MAP3K20: variants seen among roughly 807,000 people sequenced by gnomAD.
MAP3K20 encodes mitogen-activated protein kinase kinase kinase 20, also known as HCCS-4.
MAP3K20 carries 40 observed loss-of-function variants against 85.7 expected under a neutral mutation model. That is an observed-to-expected ratio of 0.47 (90% confidence interval 0.36 to 0.61). MAP3K20 has a LOEUF of 0.61. Among genes scored for constraint, MAP3K20 ranks in the 20% least tolerant of loss-of-function variants. The pLI is 0.00. For synonymous variants in MAP3K20, 325 were observed against 327.7 expected, an observed-to-expected ratio of 0.99 and a Z score of 0.09; for missense variants, 817 against 961.7, an observed-to-expected ratio of 0.85 and a Z score of 1.99.
At chr2:173,167,155 T>A (rs1212206731) in intron 2 of MAP3K20, among the ~76,000 whole-genome samples, 1 of 151,970 alleles carries the variant, frequency 6.6e-6, no homozygotes, top group African/African-American at 2.4e-5. Flanking sequence ...GACCTCGTGA[T>A]CCACCCGCCT....
chr2:173,250,887 CA>C (rs1201309883), intron 16 of MAP3K20, among the ~76,000 whole-genome samples: 3 of 151,926 alleles, frequency 2.0e-5, no homozygotes, highest in African/African-American at 7.3e-5. Flanking sequence ...AGAAGAGAAG[CA>C]AATTAACCAT....
chr2:173,248,981 A>G (rs1322976058), intron 16 of MAP3K20, among the ~76,000 whole-genome samples: 1 of 152,204 alleles, frequency 6.6e-6, no homozygotes, highest in East Asian at 1.9e-4. Context: ...CTCCTAATGA[A>G]TCCATTGTCA....
At position 173,219,186 on chromosome 2, in the gene MAP3K20, T is replaced by TAAAC. The variant is rs1167663005; in HGVS notation, c.987+1938_987+1941dup. On this transcript the variant is annotated intron_variant, in intron 11 of 19. Transcript: ENST00000375213. The stretch of plus-strand genomic sequence containing the variant: ...TGAGATTTCTTAGAGAAAGATGAAA[T>TAAAC]AAACATTTTAAAAAGGAAGTGGCTG... Among the ~76,000 whole-genome samples the TAAAC allele has an allele frequency of 1.6e-4, 24 of 152,182 alleles. 1 individual carries two copies. Among genetic ancestry groups the TAAAC allele is most frequent in the Non-Finnish European group, 2.9e-5 (2 of 68,014 alleles).
At chr2:173,243,667 G>T (rs1480468409) in intron 16 of MAP3K20, among the ~76,000 whole-genome samples, 1 of 152,210 alleles carries the variant, frequency 6.6e-6, no homozygotes, top group African/African-American at 2.4e-5. Flanking sequence ...GCCCAGGCCA[G>T]AGTGCAGTGG....
intron 2 of MAP3K20, among the ~76,000 whole-genome samples, chr2:173,156,704 G>GCTGCTCACCTC (rs1689483693): frequency 6.6e-6 from 1 of 152,222 alleles, no homozygotes; most frequent in African/African-American, 2.4e-5. Flanking sequence ...TCGCTCGCCA[G>GCTGCTCACCTC]CTGCTCACCT....
At chr2:173,100,910 C>T (rs1221436617) in intron 2 of MAP3K20, among the ~76,000 whole-genome samples, 1 of 152,172 alleles carries the variant, frequency 6.6e-6, no homozygotes, top group Admixed American at 6.5e-5. Context: ...CCATCCATCA[C>T]TCTGCTCTTT....
intron 11 of MAP3K20, chr2:173,222,726 A>G: frequency 1.0e-6 from 1 of 985,464 alleles, no homozygotes; most frequent in South Asian, 4.7e-5. Context: ...TCCTTTCCAT[A>G]TCAAGTTTAG....
intron 16 of MAP3K20, among the ~76,000 whole-genome samples, chr2:173,248,367 A>C (rs984181548): frequency 6.6e-6 from 1 of 152,238 alleles, no homozygotes; most frequent in African/African-American, 2.4e-5. Context: ...ATATACATTA[A>C]ATAGGTAGAG....
At chr2:173,187,722 A>G in intron 5 of MAP3K20, 99 bp downstream of exon 5, 1 of 1,033,758 alleles carries the variant, frequency 9.7e-7, no homozygotes, top group Non-Finnish European at 1.4e-6. Context: ...TTTGTAACCT[A>G]CTATTGGACT....
rs1172808551 is a variant in MAP3K20, at chr2:173,217,175, G to A, written c.912G>A (p.Lys304=). Residue 304 remains lysine (K), a synonymous_variant, in exon 11 of 20, where the codon AAG becomes AAA. Transcript: ENST00000375213. ...AACTAGAGCGTGATCTCAGCTTTAA[G>A]GAGCAGGAGCTTAAAGAACGAGAAA... ...LKKLERDLSF[K]EQELKERERR... 6 of 1,607,622 alleles carry A rather than the reference G, an allele frequency of 3.7e-6. No homozygotes were observed. The highest frequency in any genetic ancestry group is 5.1e-6 in the Non-Finnish European group (6 of 1,176,758).
intron 2 of MAP3K20, among the ~76,000 whole-genome samples, chr2:173,147,239 CTTTTGT>C (rs1253612463): frequency 1.1e-4 from 17 of 152,206 alleles, no homozygotes; most frequent in Admixed American, 1.0e-3. Context: ...GTTGCTTGTG[CTTTTGT>C]TGTCATATCT....
intron 7 of MAP3K20, among the ~76,000 whole-genome samples, chr2:173,193,242 C>G (rs925239625): frequency 6.6e-6 from 1 of 152,082 alleles, no homozygotes; most frequent in South Asian, 2.1e-4. Flanking sequence ...TAGACTGTTA[C>G]AGCTTTTAAA....
In MAP3K20 at chr2:173,217,204, G is replaced by A. The variant is rs1412201270; in HGVS notation, c.941G>A (p.Arg314His). 3 of 1,604,036 alleles carry A rather than the reference G, an allele frequency of 1.9e-6. No homozygotes were observed. Among genetic ancestry groups the A allele is most frequent in the Admixed American group, 1.7e-5 (1 of 59,092 alleles). ...CAGGAGCTTAAAGAACGAGAAAGAC[G>A]TTTAAAGATGTGGGAGCAAAAGCTG... is the stretch of plus-strand genomic sequence containing the variant. ...KEQELKERER[R>H]LKMWEQKLTE... Residue 314 changes from arginine (R) to histidine (H), a missense_variant, in exon 11 of 20, where the codon CGT (arginine) becomes CAT (histidine). Around this residue, in one of 4 missense-constraint regions of MAP3K20, gnomAD observed 158 missense variants for 162.0 expected, o/e 0.98. Transcript: ENST00000375213.
rs535623491 is a variant in MAP3K20 at position 173,248,729 on chromosome 2, G to A, written c.1359+9233G>A. Among the ~76,000 whole-genome samples, 18 of 151,982 alleles carry A rather than the reference G, an allele frequency of 1.2e-4. No individual in the cohort carries two copies. The South Asian group carries it at 1.5e-3, about 12-fold the overall frequency. Reference sequence around the variant, plus strand: ...GGTGTGAAAAATTCCCACTATGGCCGATTTCAAGTTACCAATCTGGCATCA... The same window carrying A: ...GGTGTGAAAAATTCCCACTATGGCCAATTTCAAGTTACCAATCTGGCATCA... On this transcript the variant is annotated intron_variant, in intron 16 of 19. Coordinates refer to ENST00000375213, the MANE Select transcript of MAP3K20 (RefSeq NM_016653.3).
intron 2 of MAP3K20, among the ~76,000 whole-genome samples, chr2:173,130,922 G>A (rs1688599140): frequency 6.6e-6 from 1 of 152,062 alleles, no homozygotes. Context: ...ACTGAAACAT[G>A]TGGCTATGAC....
At chr2:173,115,510 T>G (rs1421363179) in intron 2 of MAP3K20, among the ~76,000 whole-genome samples, 1 of 152,012 alleles carries the variant, frequency 6.6e-6, no homozygotes, top group Non-Finnish European at 1.5e-5. Flanking sequence ...ATTACCAGAG[T>G]TGGGTTTCTG....
At chr2:173,199,086 T>C (rs1021907381) in intron 8 of MAP3K20, among the ~76,000 whole-genome samples, 1 of 152,196 alleles carries the variant, frequency 6.6e-6, no homozygotes, top group Non-Finnish European at 1.5e-5. Flanking sequence ...AACCTTAGAA[T>C]AAAATAATTT....
intron 8 of MAP3K20, 103 bp from the exon 9 acceptor site, chr2:173,203,693 G>GTTCT: frequency 2.3e-6 from 2 of 876,372 alleles, no homozygotes; most frequent in South Asian, 3.0e-5. Context: ...CATGCCTTAT[G>GTTCT]TTCTTAAAAT....
chr2:173,136,884 G>A (rs1559247178), intron 2 of MAP3K20, among the ~76,000 whole-genome samples: 1 of 152,202 alleles, frequency 6.6e-6, no homozygotes, highest in Non-Finnish European at 1.5e-5. Flanking sequence ...GCAGAAGAGT[G>A]CCCACATCCA....
Sources: gnomAD v4.1 joint callset for allele counts (sites outside exome capture counted in the v4.1 genomes callset) on GRCh38, gnomAD v4.1.1 for gene constraint, gnomAD v4.1.1 regional missense constraint, MANE v1.5 for transcripts, NCBI Gene and HGNC (gene_info 2026-07-23, HGNC 2026-07-21) for gene names.